CSMD1: variants seen among roughly 807,000 people sequenced by gnomAD.
The protein encoded by CSMD1 is CUB and Sushi multiple domains 1.
In CSMD1, 213 loss-of-function variants were observed where a neutral mutation model predicts 417.5. That is an observed-to-expected ratio of 0.51 (90% confidence interval 0.46 to 0.57). The LOEUF is 0.57. Ranked by LOEUF, CSMD1 falls within the 20% of genes least tolerant of loss-of-function variation. The pLI is 0.00. For missense variants in CSMD1, 6,923 were observed against 4,529.7 expected (o/e 1.53, Z -15.17); for synonymous variants, 2,862 against 1,736.8 (o/e 1.65, Z -16.11).
chr8:4,467,480 G>A (rs1310991363), intron 2 of CSMD1, among the ~76,000 whole-genome samples: 3 of 152,174 alleles, frequency 2.0e-5, no homozygotes, highest in African/African-American at 4.8e-5. Context: ...TGCCACCCAT[G>A]AGTGGCCAGA....
At chr8:3,009,580 C>A (rs1042710515) in intron 52 of CSMD1, among the ~76,000 whole-genome samples, 1 of 152,186 alleles carries the variant, frequency 6.6e-6, no homozygotes, top group Non-Finnish European at 1.5e-5. Flanking sequence ...TACACTTCAA[C>A]GGACATATTG....
chr8:3,249,036 C>G (rs756732238), intron 26 of CSMD1, among the ~76,000 whole-genome samples: 1 of 152,108 alleles, frequency 6.6e-6, no homozygotes, highest in Non-Finnish European at 1.5e-5. Context: ...CGTTGATAAA[C>G]CAAGTAGCTT....
chr8:4,668,095 C>T (rs1343605258), intron 1 of CSMD1, among the ~76,000 whole-genome samples: 1 of 152,158 alleles, frequency 6.6e-6, no homozygotes, highest in African/African-American at 2.4e-5. Context: ...TTCTACCTTG[C>T]ACGTGTAGCT....
intron 2 of CSMD1, among the ~76,000 whole-genome samples, chr8:4,446,735 G>GTGTGTGTGTGTGTGTGTGTC (rs1188509883): frequency 3.5e-5 from 4 of 113,716 alleles, no homozygotes; most frequent in African/African-American, 1.1e-4. Flanking sequence ...GTGTGTGTCT[G>GTGTGTGTGTGTGTGTGTGTC]TGTGTGTGTG....
intron 1 of CSMD1, among the ~76,000 whole-genome samples, chr8:4,733,029 A>G (rs1378180084): frequency 6.6e-6 from 1 of 152,154 alleles, no homozygotes; most frequent in Non-Finnish European, 1.5e-5. Context: ...CTTTGGAAAA[A>G]AAAAAATCCC....
intron 26 of CSMD1, among the ~76,000 whole-genome samples, chr8:3,245,924 G>A (rs998928412): frequency 6.6e-6 from 1 of 152,164 alleles, no homozygotes; most frequent in Non-Finnish European, 1.5e-5. Context: ...CTACTTGAAA[G>A]CCTATTCAAC....
rs551331750 is a variant in CSMD1 at position 3,482,119 on chromosome 8, A to T, written c.1448+11504T>A. ...CCCTTAGGAAGGCAAGAAAAGCAGTAAAAGGGGAATGAGAACCAGAAATAA... is the reference window on the plus strand; with the variant it reads ...CCCTTAGGAAGGCAAGAAAAGCAGTTAAAGGGGAATGAGAACCAGAAATAA... On this transcript the variant is annotated intron_variant, in intron 11 of 69. Transcript: ENST00000635120. 1.3e-3 allele frequency among the ~76,000 whole-genome samples: 200 copies of T among 152,348 alleles called. 1 individual carries two copies. The highest frequency in any genetic ancestry group is 6.8e-3 in the South Asian group (33 of 4,820).
chr8:4,890,349 G>C (rs1804030113), intron 1 of CSMD1, among the ~76,000 whole-genome samples: 1 of 152,130 alleles, frequency 6.6e-6, no homozygotes, highest in Admixed American at 6.5e-5. Context: ...AGAGTAGGAA[G>C]GCACATACAG....
intron 49 of CSMD1, among the ~76,000 whole-genome samples, chr8:3,069,588 A>C (rs1378203823): frequency 1.3e-5 from 2 of 152,320 alleles, no homozygotes; most frequent in East Asian, 1.9e-4. Context: ...TGGTTTCGCA[A>C]GGCCTTGGGC....
At chr8:3,839,103 A>AGGC (rs1802926028) in intron 5 of CSMD1, among the ~76,000 whole-genome samples, 1 of 63,984 alleles carries the variant, frequency 1.6e-5, no homozygotes, top group East Asian at 3.6e-4. Flanking sequence ...AATATAGCCT[A>AGGC]TATATATAGT....
At chr8:3,294,759 C>G (rs1303532436) in intron 25 of CSMD1, among the ~76,000 whole-genome samples, 2 of 152,150 alleles carry the variant, frequency 1.3e-5, no homozygotes, top group Admixed American at 6.5e-5. Context: ...ATTCCCTGAC[C>G]CCTTGCACTT....
intron 1 of CSMD1, among the ~76,000 whole-genome samples, chr8:4,877,355 T>C (rs559075553): frequency 6.6e-6 from 1 of 152,236 alleles, no homozygotes; most frequent in South Asian, 2.1e-4. Context: ...TATGTTATTT[T>C]ACATTTCTGT....
chr8:3,965,497 G>C (rs563312092), intron 5 of CSMD1, among the ~76,000 whole-genome samples: 1 of 152,256 alleles, frequency 6.6e-6, no homozygotes, highest in South Asian at 2.1e-4. Context: ...CCAAAGTAAA[G>C]TTGAAAAACT....
intron 38 of CSMD1, 98 bp downstream of exon 38, chr8:3,162,061 G>A: frequency 2.7e-6 from 2 of 745,186 alleles, no homozygotes; most frequent in East Asian, 2.7e-5. Context: ...CAAACTGAGT[G>A]AGGAAAACAT....
intron 3 of CSMD1, among the ~76,000 whole-genome samples, chr8:4,140,962 A>C (rs1351569653): frequency 6.6e-6 from 1 of 151,194 alleles, no homozygotes; most frequent in Admixed American, 6.6e-5. Context: ...CTCGTATCTC[A>C]ATAAATGGGA....
chr8:3,437,491 T>C (rs1397117800), intron 12 of CSMD1, among the ~76,000 whole-genome samples: 3 of 152,120 alleles, frequency 2.0e-5, no homozygotes, highest in African/African-American at 7.2e-5. Context: ...GGAAATAAGA[T>C]CAACACTGGC....
chr8:4,877,610 C>A (rs1390897830), intron 1 of CSMD1, among the ~76,000 whole-genome samples: 1 of 152,100 alleles, frequency 6.6e-6, no homozygotes, highest in Non-Finnish European at 1.5e-5. Flanking sequence ...ATCTCACTTT[C>A]CTAATTTCCT....
intron 3 of CSMD1, among the ~76,000 whole-genome samples, chr8:4,131,350 C>A (rs377758128): frequency 1.3e-5 from 2 of 152,176 alleles, no homozygotes; most frequent in African/African-American, 4.8e-5. Flanking sequence ...CTTGGTGACA[C>A]CTACACGCTC....
At chr8:4,603,986 T>C (rs930835098) in intron 2 of CSMD1, among the ~76,000 whole-genome samples, 1 of 152,192 alleles carries the variant, frequency 6.6e-6, no homozygotes, top group Non-Finnish European at 1.5e-5. Flanking sequence ...TGACATGTTA[T>C]AATCTATTCA....
Sources: allele counts gnomAD v4.1 joint callset (sites outside exome capture counted in the v4.1 genomes callset), GRCh38; gene constraint gnomAD v4.1.1; transcripts MANE v1.5; gene names NCBI Gene and HGNC (gene_info 2026-07-23, HGNC 2026-07-21).